Variants in SHANK2 observed in about 807,000 individuals in gnomAD.
The protein encoded by SHANK2 is SH3 and multiple ankyrin repeat domains 2.
Under a neutral mutation model 133.7 loss-of-function variants are expected in SHANK2, and 43 were observed. The ratio of observed to expected loss-of-function variants is 0.32; its 90% CI spans 0.25 to 0.41. The LOEUF is 0.41. Ranked by LOEUF, SHANK2 falls within the 10% of genes least tolerant of loss-of-function variation. The pLI is 1.00. For missense variants in SHANK2, 1,994 were observed against 2,235.8 expected (o/e 0.89, Z 2.18); for synonymous variants, 1,017 against 952.8 (o/e 1.07, Z -1.24).
At chr11:70,863,661 T>C in intron 11 of SHANK2, 6 of 425,402 alleles carry the variant, frequency 1.4e-5, no homozygotes, top group South Asian at 6.9e-5. Context: ...CTCTCTGGCA[T>C]CCTGGGCTGG....
At chr11:71,192,762 C>T (rs1953817289) in intron 2 of SHANK2, among the ~76,000 whole-genome samples, 1 of 152,186 alleles carries the variant, frequency 6.6e-6, no homozygotes, top group South Asian at 2.1e-4. Flanking sequence ...TTCATCAAGG[C>T]TTCCTTTTTC....
At chr11:70,718,386 T>C (rs1052126181) in intron 14 of SHANK2, among the ~76,000 whole-genome samples, 1 of 152,114 alleles carries the variant, frequency 6.6e-6, no homozygotes, top group Admixed American at 6.5e-5. Flanking sequence ...TCGGTGGAGG[T>C]GGCCCTGGCC....
At chr11:70,589,906 C>A (rs1554987605) in intron 17 of SHANK2, among the ~76,000 whole-genome samples, 1 of 152,178 alleles carries the variant, frequency 6.6e-6, no homozygotes, top group African/African-American at 2.4e-5. Flanking sequence ...GTAATCCCAG[C>A]ACTTTGGGAG....
chr11:71,197,283 C>G (rs189190008), intron 2 of SHANK2, among the ~76,000 whole-genome samples: 1 of 152,142 alleles, frequency 6.6e-6, no homozygotes, highest in African/African-American at 2.4e-5. Flanking sequence ...TGGGCCCTCC[C>G]GGGTGGGGTG....
chr11:70,563,419 C>T (rs1187560426), intron 17 of SHANK2, among the ~76,000 whole-genome samples: 1 of 152,142 alleles, frequency 6.6e-6, no homozygotes, highest in African/African-American at 2.4e-5. Context: ...AATCCCCAAG[C>T]TACATTTATT....
At chr11:70,637,680 C>T (rs192316438) in intron 17 of SHANK2, among the ~76,000 whole-genome samples, 1 of 152,324 alleles carries the variant, frequency 6.6e-6, no homozygotes, top group African/African-American at 2.4e-5. Context: ...GGCGCCCTGG[C>T]GAGGGGAGAC....
chr11:70,636,659 ATG>A (rs1410729006), intron 17 of SHANK2, among the ~76,000 whole-genome samples: 1 of 150,346 alleles, frequency 6.7e-6, no homozygotes, highest in African/African-American at 2.5e-5. Flanking sequence ...ATATGAATAT[ATG>A]TGTGAGCACG....
chr11:71,137,356 C>G (rs1952463651), intron 3 of SHANK2, among the ~76,000 whole-genome samples: 1 of 147,146 alleles, frequency 6.8e-6, no homozygotes, highest in Non-Finnish European at 1.5e-5. Context: ...AACAGTGGGG[C>G]CAGACCTGGA....
intron 17 of SHANK2, among the ~76,000 whole-genome samples, chr11:70,542,936 G>A (rs1231696611): frequency 6.6e-6 from 1 of 152,138 alleles, no homozygotes; most frequent in Non-Finnish European, 1.5e-5. Flanking sequence ...ATCTCAGCAG[G>A]AAGGGGGCCC....
At chr11:70,846,098 T>C (rs1251103938) in intron 11 of SHANK2, among the ~76,000 whole-genome samples, 1 of 151,998 alleles carries the variant, frequency 6.6e-6, no homozygotes, top group Non-Finnish European at 1.5e-5. Flanking sequence ...CTGGAGAGTC[T>C]AGAGTGCGCT....
At chr11:71,136,881 A>G (rs1555104861) in intron 3 of SHANK2, among the ~76,000 whole-genome samples, 1 of 152,150 alleles carries the variant, frequency 6.6e-6, no homozygotes, top group Non-Finnish European at 1.5e-5. Context: ...TTATTTTTTG[A>G]GATGGAGTTT....
At chr11:70,781,373 C>T (rs1555045093) in intron 14 of SHANK2, among the ~76,000 whole-genome samples, 1 of 150,958 alleles carries the variant, frequency 6.6e-6, no homozygotes, top group Non-Finnish European at 1.5e-5. Flanking sequence ...CCCCATGGTA[C>T]CCACTGCCTG....
At chr11:70,674,927 C>T (rs991962413) in intron 15 of SHANK2, among the ~76,000 whole-genome samples, 1 of 152,224 alleles carries the variant, frequency 6.6e-6, no homozygotes, top group Admixed American at 6.5e-5. Context: ...TAAGTCCACA[C>T]AAATAATACA....
In SHANK2 at chr11:70,924,267, G is replaced by T. The variant is rs1555081160; in HGVS notation, c.1108-27700C>A. Among the ~76,000 whole-genome samples the T allele has an allele frequency of 4.6e-5, 7 of 151,896 alleles. 1 individual carries two copies. The South Asian group carries it at 1.2e-3, about 27-fold the overall frequency. ...ATATTGAGGACATGCCCCAGAGCAGGTCTCTCCATGGACAGGAGCTCAGTC... is the reference window on the plus strand; with the variant it reads ...ATATTGAGGACATGCCCCAGAGCAGTTCTCTCCATGGACAGGAGCTCAGTC... On this transcript the variant is annotated intron_variant, in intron 10 of 25. Transcript: ENST00000601538.
chr11:70,522,745 G>A (rs997449470), intron 17 of SHANK2, among the ~76,000 whole-genome samples: 2 of 152,184 alleles, frequency 1.3e-5, no homozygotes, highest in African/African-American at 4.8e-5. Flanking sequence ...CTCAGTTATT[G>A]CAGCCATCAG....
At chr11:71,235,652 C>T (rs1954818152) in intron 1 of SHANK2, among the ~76,000 whole-genome samples, 1 of 151,422 alleles carries the variant, frequency 6.6e-6, no homozygotes, top group African/African-American at 2.4e-5. Flanking sequence ...CATAAAGGAA[C>T]TAAAAAGAAC....
intron 17 of SHANK2, among the ~76,000 whole-genome samples, chr11:70,517,202 A>T (rs1459048343): frequency 7.2e-5 from 11 of 152,256 alleles, no homozygotes; most frequent in Non-Finnish European, 1.6e-4. Context: ...CCAGAATCTC[A>T]AACACCGACA....
chr11:71,071,187 C>A (rs1178145708), intron 9 of SHANK2, among the ~76,000 whole-genome samples: 1 of 152,204 alleles, frequency 6.6e-6, no homozygotes. Context: ...GATGTTGGTG[C>A]AGATGTGTTT....
At chr11:70,528,100 A>G (rs2059422243) in intron 17 of SHANK2, among the ~76,000 whole-genome samples, 1 of 152,206 alleles carries the variant, frequency 6.6e-6, no homozygotes, top group South Asian at 2.1e-4. Context: ...GAAGGTAGGA[A>G]CCAGGATGGC....
Sources: gnomAD v4.1 joint callset for allele counts (sites outside exome capture counted in the v4.1 genomes callset) on GRCh38, gnomAD v4.1.1 for gene constraint, MANE v1.5 for transcripts, NCBI Gene and HGNC (gene_info 2026-07-23, HGNC 2026-07-21) for gene names.